The following VPS13A variants were observed in gnomAD, a reference collection of about 807,000 sequenced individuals.
The protein encoded by VPS13A is vacuolar protein sorting 13 homolog A, also known as intermembrane lipid transfer protein VPS13A.
VPS13A carries 264 observed loss-of-function variants against 390.9 expected under a neutral mutation model. That is an observed-to-expected ratio of 0.68 (90% confidence interval 0.61 to 0.75). The LOEUF (loss-of-function observed/expected upper bound fraction) is 0.75, where lower values mean the gene tolerates loss of function less well. VPS13A is among the 30% of genes least tolerant of loss of function. The pLI is 0.00. For missense variants in VPS13A, 3,409 were observed against 3,733.9 expected (o/e 0.91, Z 2.27); for synonymous variants, 1,231 against 1,227.1 (o/e 1.00, Z -0.07).
chr9:77,264,966 A>G (rs909582326), intron 23 of VPS13A, among the ~76,000 whole-genome samples: 2 of 152,198 alleles, frequency 1.3e-5, no homozygotes, highest in African/African-American at 4.8e-5. Flanking sequence ...TTTGAGATAC[A>G]TTCCATCAAT....
chr9:77,228,556 A>AT (rs1026968590), intron 17 of VPS13A, among the ~76,000 whole-genome samples: 3 of 149,596 alleles, frequency 2.0e-5, no homozygotes, highest in Non-Finnish European at 4.5e-5. Context: ...TTTTAGTTTT[A>AT]TTTTTTTTAA....
intron 41 of VPS13A, 105 bp downstream of exon 41, chr9:77,318,696 G>T (rs754159573): frequency 4.2e-6 from 5 of 1,186,952 alleles, no homozygotes; most frequent in Non-Finnish European, 4.9e-6. Flanking sequence ...AGCTATTTAA[G>T]CTTATTGTAA....
At chr9:77,240,864 A>T (rs988933060) in intron 19 of VPS13A, among the ~76,000 whole-genome samples, 1 of 151,996 alleles carries the variant, frequency 6.6e-6, no homozygotes, top group African/African-American at 2.4e-5. Context: ...TTCTGTCTTT[A>T]GGTTTTCATT....
chr9:77,340,382 G>A, intron 49 of VPS13A, 22 bp from the exon 50 acceptor site: 1 of 1,605,634 alleles, frequency 6.2e-7, no homozygotes, highest in South Asian at 1.1e-5. Flanking sequence ...CAGTTTTTGA[G>A]CTGTTAATTT....
At chr9:77,215,304 C>G (rs72742577) in intron 10 of VPS13A, among the ~76,000 whole-genome samples, 8,322 of 152,210 alleles carry the variant, frequency 0.055, 339 homozygotes, top group Middle Eastern at 0.12. Flanking sequence ...ACTTTTCTGT[C>G]TATATTATAC....
intron 13 of VPS13A, among the ~76,000 whole-genome samples, chr9:77,224,102 C>A (rs1823373494): frequency 6.6e-6 from 1 of 152,116 alleles, no homozygotes; most frequent in African/African-American, 2.4e-5. Flanking sequence ...ACATTTTAAA[C>A]CCAAGCTCAG....
chr9:77,356,482 A>G (rs1001366855), intron 54 of VPS13A, among the ~76,000 whole-genome samples: 3 of 152,148 alleles, frequency 2.0e-5, no homozygotes, highest in Admixed American at 1.3e-4. Flanking sequence ...GAAGCTCCAG[A>G]ATGACAGAGA....
intron 67 of VPS13A, among the ~76,000 whole-genome samples, chr9:77,377,213 T>TTTTG (rs1554675548): frequency 2.7e-5 from 3 of 109,302 alleles, no homozygotes; most frequent in African/African-American, 6.7e-5. Context: ...GTTTTTTTTT[T>TTTTG]TTTTTTTTTT....
At chr9:77,240,167 C>T (rs1227726792) in intron 19 of VPS13A, among the ~76,000 whole-genome samples, 4 of 146,494 alleles carry the variant, frequency 2.7e-5, no homozygotes, top group Non-Finnish European at 4.5e-5. Context: ...TTTTCAACCT[C>T]TGCCTCCTGG....
At chr9:77,385,583 G>A (rs1833647891) in intron 68 of VPS13A, among the ~76,000 whole-genome samples, 1 of 151,746 alleles carries the variant, frequency 6.6e-6, no homozygotes, top group African/African-American at 2.4e-5. Flanking sequence ...GTGTAATAAA[G>A]GTTTTTAAAA....
chr9:77,253,781 C>T (rs548620344), intron 22 of VPS13A, among the ~76,000 whole-genome samples: 4 of 152,016 alleles, frequency 2.6e-5, no homozygotes, highest in African/African-American at 9.6e-5. Flanking sequence ...CTTTTGGTGT[C>T]ATATCCAAGA....
At chr9:77,367,200 C>T (rs1358857502) in intron 61 of VPS13A, among the ~76,000 whole-genome samples, 1 of 152,018 alleles carries the variant, frequency 6.6e-6, no homozygotes, top group African/African-American at 2.4e-5. Flanking sequence ...GGATTTGAAG[C>T]TAATAGGAAT....
intron 68 of VPS13A, among the ~76,000 whole-genome samples, chr9:77,400,518 C>CACTTCAAGATTATTAAATAAT: frequency 6.6e-6 from 1 of 151,856 alleles, no homozygotes; most frequent in Middle Eastern, 3.4e-3. Context: ...TATATTTTGG[C>CACTTCAAGATTATTAAATAAT]CTTTCCCACT....
At chr9:77,224,389 C>T (rs769123356) in intron 13 of VPS13A, among the ~76,000 whole-genome samples, 2 of 152,170 alleles carry the variant, frequency 1.3e-5, no homozygotes, top group East Asian at 1.9e-4. Flanking sequence ...TGAAAACCCT[C>T]TGGAAAGGAT....
intron 46 of VPS13A, among the ~76,000 whole-genome samples, chr9:77,334,349 G>A (rs1018176687): frequency 6.6e-6 from 1 of 151,968 alleles, no homozygotes; most frequent in Non-Finnish European, 1.5e-5. Context: ...ATAATTTGAT[G>A]TTCTGTTTCA....
intron 17 of VPS13A, among the ~76,000 whole-genome samples, chr9:77,233,017 A>T (rs891044147): frequency 6.6e-6 from 1 of 152,196 alleles, no homozygotes; most frequent in Non-Finnish European, 1.5e-5. Flanking sequence ...AGTTTTACTG[A>T]TAGTTTATAG....
chr9:77,304,069 A>G (rs1412631129), intron 34 of VPS13A, among the ~76,000 whole-genome samples: 1 of 152,148 alleles, frequency 6.6e-6, no homozygotes, highest in Non-Finnish European at 1.5e-5. Flanking sequence ...AGACTATCAT[A>G]TGGGGAGAAA....
intron 31 of VPS13A, among the ~76,000 whole-genome samples, chr9:77,292,844 G>A (rs1827757729): frequency 6.6e-6 from 1 of 152,022 alleles, no homozygotes; most frequent in East Asian, 1.9e-4. Context: ...AATTAAGATG[G>A]CCCTTTACAA....
chr9:77,223,768 G>A (rs946891633), intron 13 of VPS13A, among the ~76,000 whole-genome samples: 3 of 152,192 alleles, frequency 2.0e-5, no homozygotes, highest in African/African-American at 7.2e-5. Context: ...GCTGCAGCAA[G>A]TGATCCTGAA....
Sources: gnomAD v4.1 joint callset for allele counts (sites outside exome capture counted in the v4.1 genomes callset) on GRCh38, gnomAD v4.1.1 for gene constraint, MANE v1.5 for transcripts, NCBI Gene and HGNC (gene_info 2026-07-23, HGNC 2026-07-21) for gene names.